The following CCDC13 variants were observed in gnomAD, a reference collection of about 807,000 sequenced individuals.
The protein encoded by CCDC13 is coiled-coil domain containing 13, also known as coiled-coil domain-containing protein 13.
Under a neutral mutation model 87.3 loss-of-function variants are expected in CCDC13, and 70 were observed. That is an observed-to-expected ratio of 0.80 (90% CI 0.66 to 0.98). The LOEUF is 0.98. CCDC13 is among the 50% of genes least tolerant of loss of function. CCDC13 has a pLI of 0.00. For synonymous variants in CCDC13, 317 were observed against 360.3 expected, an observed-to-expected ratio of 0.88 and a Z score of 1.36; for missense variants, 842 against 892.0, an observed-to-expected ratio of 0.94 and a Z score of 0.71.
chr3:42,765,531 G>A (rs1019757619), intron 1 of CCDC13, among the ~76,000 whole-genome samples: 6 of 152,146 alleles, frequency 3.9e-5, no homozygotes, highest in Admixed American at 6.5e-5. Flanking sequence ...TCAGCCTCCC[G>A]AGTAGCTGGG....
intron 5 of CCDC13, among the ~76,000 whole-genome samples, chr3:42,751,087 C>T (rs534088676): frequency 1.3e-5 from 2 of 152,168 alleles, no homozygotes; most frequent in African/African-American, 2.4e-5. Flanking sequence ...CACTGCACAG[C>T]GAGGACTGAA....
chr3:42,747,676 C>T (rs1699451832), intron 5 of CCDC13, among the ~76,000 whole-genome samples: 1 of 152,214 alleles, frequency 6.6e-6, no homozygotes, highest in Admixed American at 6.5e-5. Context: ...GTTGCACACA[C>T]ACATGTGGGT....
At chr3:42,749,099 C>A (rs1699499809) in intron 5 of CCDC13, among the ~76,000 whole-genome samples, 1 of 152,178 alleles carries the variant, frequency 6.6e-6, no homozygotes, top group African/African-American at 2.4e-5. Flanking sequence ...TGTTCTTCCT[C>A]CTGTCTGGCC....
intron 13 of CCDC13, chr3:42,719,239 A>G (rs1698501558): frequency 6.6e-6 from 1 of 151,900 alleles, no homozygotes; most frequent in South Asian, 2.1e-4. Context: ...GGGAAAGCTG[A>G]GAGCAGATGG....
intron 5 of CCDC13, among the ~76,000 whole-genome samples, chr3:42,749,183 G>A (rs543235516): frequency 1.3e-5 from 2 of 152,158 alleles, no homozygotes; most frequent in South Asian, 4.1e-4. Flanking sequence ...AATCTGCCCT[G>A]GGTTGGGAAG....
At chr3:42,730,194 T>C (rs1335473798) in intron 13 of CCDC13, among the ~76,000 whole-genome samples, 1 of 152,196 alleles carries the variant, frequency 6.6e-6, no homozygotes, top group Non-Finnish European at 1.5e-5. Flanking sequence ...GATTTACTTC[T>C]GGGTGTCTCT....
chr3:42,741,552 C>A (rs1699217680), intron 8 of CCDC13, among the ~76,000 whole-genome samples: 2 of 152,166 alleles, frequency 1.3e-5, no homozygotes, highest in Non-Finnish European at 1.5e-5. Context: ...GCCTGACCAA[C>A]ACAGTGAAAC....
In CCDC13 at chr3:42,762,752, G is replaced by A. The variant is rs76164263; in HGVS notation, c.-6-4401C>T. 7.2e-5 allele frequency among the ~76,000 whole-genome samples: 11 copies of A among 152,252 alleles called. No individual in the cohort carries two copies. The East Asian group carries it at 2.1e-3, about 29-fold the overall frequency. ...TCATTGTAATAAACAATACATGTGA[G>A]TATAATAGCTGGCCCAAAGGCTATA... On this transcript the variant is annotated intron_variant, in intron 1 of 15. Transcript: ENST00000310232.
intron 14 of CCDC13, among the ~76,000 whole-genome samples, chr3:42,711,070 A>G (rs1414616695): frequency 6.6e-6 from 1 of 151,978 alleles, no homozygotes; most frequent in East Asian, 1.9e-4. Context: ...ACATGGTAAA[A>G]CACCATCATT....
intron 3 of CCDC13, among the ~76,000 whole-genome samples, chr3:42,754,149 T>A (rs1699653173): frequency 6.6e-6 from 1 of 152,102 alleles, no homozygotes; most frequent in Non-Finnish European, 1.5e-5. Context: ...AACATGACCA[T>A]CATATGCCTC....
At position 42,735,785 on chromosome 3, in the gene CCDC13, G is replaced by A. The variant is rs1180015060; in HGVS notation, c.1293C>T (p.Ala431=). The change falls in exon 10 of 16, where the codon GCC becomes GCT. Residue 431 remains alanine (A), a synonymous_variant. Transcript: ENST00000310232. ...SEAQRSNSLV[A]QLQAMVAERE... is the part of the protein sequence containing the mutation. ...GCTCAGCTACCATGGCCTGCAGCTG[G>A]GCGACTAGGCTGTTGCTCCGCTGAG... 3 of 1,614,204 alleles carry A rather than the reference G, an allele frequency of 1.9e-6. No individual in the cohort carries two copies. The highest frequency in any genetic ancestry group is 2.2e-5 in the East Asian group (1 of 44,888).
At chr3:42,771,942 C>T (rs1700126298) in intron 1 of CCDC13, among the ~76,000 whole-genome samples, 1 of 151,934 alleles carries the variant, frequency 6.6e-6, no homozygotes, top group South Asian at 2.1e-4. Context: ...TTGTTTAATG[C>T]TTCTAAAAAT....
At chr3:42,746,633 G>A (rs547463515) in intron 6 of CCDC13, 5 of 166,104 alleles carry the variant, frequency 3.0e-5, no homozygotes, top group East Asian at 1.7e-4. Flanking sequence ...CCGATCCAGC[G>A]TACCAAGTCT....
At chr3:42,759,922 G>A (rs928263813) in intron 1 of CCDC13, among the ~76,000 whole-genome samples, 2 of 152,170 alleles carry the variant, frequency 1.3e-5, no homozygotes, top group Admixed American at 6.6e-5. Context: ...TACTAGCAAT[G>A]GGAGTCCCAG....
intron 13 of CCDC13, among the ~76,000 whole-genome samples, chr3:42,729,274 C>T (rs1698764054): frequency 6.6e-6 from 1 of 152,196 alleles, no homozygotes; most frequent in Non-Finnish European, 1.5e-5. Flanking sequence ...AGACTAAAGA[C>T]TTGTACTATC....
At chr3:42,770,241 G>A (rs1271172942) in intron 1 of CCDC13, among the ~76,000 whole-genome samples, 1 of 152,120 alleles carries the variant, frequency 6.6e-6, no homozygotes, top group African/African-American at 2.4e-5. Context: ...AGCACCCTAT[G>A]TCTAGCTCAG....
At chr3:42,756,979 G>A (rs1699718124) in intron 3 of CCDC13, 87 bp downstream of exon 3, 2 of 1,329,236 alleles carry the variant, frequency 1.5e-6, no homozygotes, top group Non-Finnish European at 2.1e-6. Flanking sequence ...CACTCTCTTG[G>A]GAATCTGCTC....
chr3:42,712,578 G>A (rs1559635437), intron 14 of CCDC13, among the ~76,000 whole-genome samples: 1 of 152,190 alleles, frequency 6.6e-6, no homozygotes, highest in Non-Finnish European at 1.5e-5. Context: ...ACCGTAAAAG[G>A]TAAGGAGAAG....
rs946963362 is a variant in CCDC13 at position 42,707,585 on chromosome 3, G to A, written c.*1395C>T. On this transcript the variant is annotated 3_prime_UTR_variant, in exon 16 of 16. Transcript: ENST00000310232. Reference sequence around the variant, plus strand: ...CAAGATGCTCGCAGGAGCCCCAGTGGCTTTTCCTGGGGAAGGGGGTGTTTT... The same window carrying A: ...CAAGATGCTCGCAGGAGCCCCAGTGACTTTTCCTGGGGAAGGGGGTGTTTT... 6.6e-6 allele frequency among the ~76,000 whole-genome samples: 1 copy of A among 152,220 alleles called. No homozygotes were observed. The highest frequency in any genetic ancestry group is 2.4e-5 in the African/African-American group (1 of 41,468).
Sources: allele counts gnomAD v4.1 joint callset (sites outside exome capture counted in the v4.1 genomes callset), GRCh38; gene constraint gnomAD v4.1.1; transcripts MANE v1.5; gene names NCBI Gene and HGNC (gene_info 2026-07-23, HGNC 2026-07-21).